Variants in PCSK5 observed in about 807,000 individuals in gnomAD.
PCSK5 encodes prohormone convertase 5.
Under a neutral mutation model 233.2 loss-of-function variants are expected in PCSK5, and 129 were observed. The ratio of observed to expected loss-of-function variants is 0.55; its 90% CI spans 0.48 to 0.64. PCSK5 has a LOEUF of 0.64. PCSK5 is among the 30% of genes least tolerant of loss of function. PCSK5 has a pLI of 0.00. For missense variants in PCSK5, 2,076 were observed against 2,430.1 expected (o/e 0.85, Z 3.06); for synonymous variants, 825 against 879.2 (o/e 0.94, Z 1.09).
intron 24 of PCSK5, among the ~76,000 whole-genome samples, chr9:76,252,063 C>G (rs1188839131): frequency 2.6e-5 from 4 of 152,126 alleles, no homozygotes; most frequent in African/African-American, 9.6e-5. Context: ...GTCAGGAGAT[C>G]GAGACCATCC....
chr9:76,221,901 A>G (rs1825737866), intron 20 of PCSK5, among the ~76,000 whole-genome samples: 1 of 152,160 alleles, frequency 6.6e-6, no homozygotes. Context: ...TGAAAAAGCA[A>G]TGGGACCAGG....
intron 24 of PCSK5, among the ~76,000 whole-genome samples, chr9:76,291,263 G>A (rs1239403568): frequency 9.2e-5 from 14 of 152,190 alleles, no homozygotes; most frequent in Admixed American, 2.6e-4. Context: ...CCTAAGGGCA[G>A]TCTGAAAAAA....
At chr9:76,288,529 T>C (rs1447430390) in intron 24 of PCSK5, among the ~76,000 whole-genome samples, 1 of 152,178 alleles carries the variant, frequency 6.6e-6, no homozygotes, top group Non-Finnish European at 1.5e-5. Context: ...GGCAGAAGGA[T>C]CACTTGGGAT....
intron 7 of PCSK5, among the ~76,000 whole-genome samples, chr9:76,085,675 T>C (rs751784622): frequency 2.0e-5 from 3 of 152,338 alleles, no homozygotes; most frequent in Middle Eastern, 3.4e-3. Flanking sequence ...AGGGCTGATC[T>C]TCTCTATTTC....
At chr9:76,129,039 G>A (rs762255794) in intron 9 of PCSK5, among the ~76,000 whole-genome samples, 20 of 152,146 alleles carry the variant, frequency 1.3e-4, no homozygotes, top group Non-Finnish European at 2.4e-4. Context: ...TTTGTTGGAC[G>A]GTCAGTATTT....
chr9:76,134,027 C>A, intron 9 of PCSK5, 82 bp from the exon 10 acceptor site: 2 of 979,318 alleles, frequency 2.0e-6, no homozygotes, highest in South Asian at 1.5e-5. Context: ...TTTGATTTTG[C>A]TTTTTTAATT....
chr9:76,182,409 T>G (rs2131220255), intron 16 of PCSK5, among the ~76,000 whole-genome samples: 1 of 152,288 alleles, frequency 6.6e-6, no homozygotes, highest in Non-Finnish European at 1.5e-5. Context: ...GGCTAAAAGA[T>G]GATCAGGTAC....
chr9:75,893,748 A>T (rs1825703131), intron 1 of PCSK5, among the ~76,000 whole-genome samples: 1 of 152,234 alleles, frequency 6.6e-6, no homozygotes, highest in Non-Finnish European at 1.5e-5. Context: ...AATAACACCA[A>T]GGATGATTTA....
chr9:76,265,646 A>T (rs1495252), intron 24 of PCSK5, among the ~76,000 whole-genome samples: 47,432 of 152,032 alleles, frequency 0.31, 7,587 homozygotes, highest in Middle Eastern at 0.43. Flanking sequence ...TTTCTGAAGA[A>T]TGACTCTATT....
chr9:76,257,132 A>G (rs974182343), intron 24 of PCSK5, among the ~76,000 whole-genome samples: 1 of 152,122 alleles, frequency 6.6e-6, no homozygotes, highest in Admixed American at 6.5e-5. Context: ...GTGTCACAGC[A>G]CTTAGCACAG....
Position 76,359,043 on chromosome 9 carries a change from C to T in PCSK5, c.*121C>T, listed in dbSNP as rs7027657. 0.014 allele frequency: 10,440 copies of T among 743,508 alleles called. 749 individuals are homozygous for T. In the African/African-American group the frequency reaches 0.16, roughly 11 times the overall value. The allele number at this position is 743,508 out of a possible 1,614,324, so 46.1% of individuals were successfully genotyped here. On this transcript the variant is annotated 3_prime_UTR_variant, in exon 38 of 38. Transcript: ENST00000674117. ...AGTTTTTCTATTTGTCTTCTTTAAC[C>T]ATGAGTCCAACCAGAATATGTAAGA...
intron 24 of PCSK5, chr9:76,287,152 G>T: frequency 5.6e-6 from 1 of 178,532 alleles, no homozygotes; most frequent in South Asian, 1.3e-4. Context: ...CACGGTCGTT[G>T]ACTATATAAT....
intron 24 of PCSK5, among the ~76,000 whole-genome samples, chr9:76,281,501 C>T (rs890315736): frequency 1.3e-5 from 2 of 151,996 alleles, no homozygotes; most frequent in Admixed American, 1.3e-4. Flanking sequence ...ACTGCTCAGA[C>T]AAAAGAGTTT....
chr9:76,007,653 G>T (rs935362286), intron 3 of PCSK5, among the ~76,000 whole-genome samples: 7 of 152,058 alleles, frequency 4.6e-5, no homozygotes, highest in Non-Finnish European at 5.9e-5. Flanking sequence ...TTGAGACAGG[G>T]TCTCACTCTG....
chr9:76,244,774 C>A (rs1389209981), intron 24 of PCSK5, among the ~76,000 whole-genome samples: 1 of 152,030 alleles, frequency 6.6e-6, no homozygotes, highest in African/African-American at 2.4e-5. Flanking sequence ...ATGATTGTTT[C>A]GTCTGGAAGA....
chr9:76,066,569 G>A (rs1830294285), intron 5 of PCSK5, among the ~76,000 whole-genome samples: 1 of 151,976 alleles, frequency 6.6e-6, no homozygotes, highest in Non-Finnish European at 1.5e-5. Context: ...AAAGCTTACG[G>A]TGTGTATATA....
Position 76,240,701 on chromosome 9 carries a change from T to C in PCSK5, c.3142+17T>C. The C allele has an allele frequency of 6.5e-7, 1 of 1,547,184 alleles. No homozygotes were observed. The highest frequency in any genetic ancestry group is 1.4e-5 in the African/African-American group (1 of 74,036). Reference sequence around the variant, plus strand: ...GCAGCTTGGGTATGTCCTCTTCCTTTGTCACCTAAAGAGTTGAAATAGCTA... The same window carrying C: ...GCAGCTTGGGTATGTCCTCTTCCTTCGTCACCTAAAGAGTTGAAATAGCTA... On this transcript the variant is annotated intron_variant, in intron 24 of 37. Transcript: ENST00000674117.
chr9:76,088,409 C>T (rs543900503), intron 7 of PCSK5, among the ~76,000 whole-genome samples: 6 of 152,298 alleles, frequency 3.9e-5, no homozygotes, highest in African/African-American at 1.2e-4. Context: ...AATTAATGAG[C>T]GTTTGCTTTA....
chr9:76,339,373 A>T (rs1022847986), intron 35 of PCSK5, among the ~76,000 whole-genome samples: 4 of 152,100 alleles, frequency 2.6e-5, no homozygotes, highest in Admixed American at 6.6e-5. Context: ...TTAATTTTTT[A>T]AAAATCTTTC....
Sources: allele counts gnomAD v4.1 joint callset (sites outside exome capture counted in the v4.1 genomes callset), GRCh38; gene constraint gnomAD v4.1.1; transcripts MANE v1.5; gene names NCBI Gene and HGNC (gene_info 2026-07-23, HGNC 2026-07-21).